The following ZZEF1 variants were observed in gnomAD, a reference collection of about 807,000 sequenced individuals.
ZZEF1 encodes the protein zinc finger ZZ-type and EF-hand domain-containing protein 1.
In ZZEF1, 157 loss-of-function variants were observed where a neutral mutation model predicts 342.8. That is an observed-to-expected ratio of 0.46 (90% CI 0.40 to 0.52). The LOEUF (loss-of-function observed/expected upper bound fraction) is 0.52, where lower values mean the gene tolerates loss of function less well. Among genes scored for constraint, ZZEF1 ranks in the 20% least tolerant of loss-of-function variants. The pLI is 0.00. For synonymous variants in ZZEF1, 1,505 were observed against 1,429.1 expected (o/e 1.05, Z -1.20); for missense variants, 3,480 against 3,725.6 (o/e 0.93, Z 1.72).
chr17:4,011,975 C>G (rs1230266226), intron 52 of ZZEF1, among the ~76,000 whole-genome samples: 2 of 152,218 alleles, frequency 1.3e-5, no homozygotes, highest in African/African-American at 4.8e-5. Flanking sequence ...CTATGAGGAG[C>G]ACGCATGAAA....
At chr17:4,092,105 T>C (rs984824100) in intron 11 of ZZEF1, among the ~76,000 whole-genome samples, 11 of 143,572 alleles carry the variant, frequency 7.7e-5, no homozygotes, top group Non-Finnish European at 3.0e-5. Flanking sequence ...AAAAATAATA[T>C]AAATAAATAA....
At chr17:4,123,113 G>A (rs2145547656) in intron 2 of ZZEF1, among the ~76,000 whole-genome samples, 1 of 150,492 alleles carries the variant, frequency 6.6e-6, no homozygotes. Context: ...GTAGAGACGG[G>A]GTTTCACTGT....
chr17:4,017,568 C>T lies in ZZEF1; in HGVS notation c.7804G>A (p.Ala2602Thr), dbSNP rs1184029119. The part of the protein sequence containing the change: ...HKELNCKSKR[A>T]VRDYLFRVNE... ...ACTCGGAAGAGGTAGTCCCGGACAG[C>T]CCTCTTACTCTTGCAGTTCAGCTCC... is the stretch of plus-strand genomic sequence containing the variant. Residue 2602 changes from alanine to threonine, a missense_variant, in exon 48 of 55, where the codon GCT becomes ACT. Physicochemically the swap from Ala to Thr is moderately conservative, Grantham distance 58. Coordinates refer to ENST00000381638, the MANE Select transcript of ZZEF1 (RefSeq NM_015113.4). The surrounding 1 kb of genome is among the most constrained non-coding windows in gnomAD (Gnocchi z 5.1). 1.3e-5 allele frequency: 21 copies of T among 1,614,272 alleles called. No individual in the cohort carries two copies. The highest frequency in any genetic ancestry group is 1.7e-5 in the Non-Finnish European group (20 of 1,180,052).
chr17:4,052,919 A>G (rs1026004153), intron 34 of ZZEF1, among the ~76,000 whole-genome samples: 3 of 152,082 alleles, frequency 2.0e-5, no homozygotes, highest in Admixed American at 2.0e-4. Context: ...AGTGAGAGAG[A>G]ATAACAGTCA....
In ZZEF1 at chr17:4,142,558, C is replaced by A; in HGVS notation, c.338G>T (p.Ser113Ile). 1 of 1,601,218 alleles carries A rather than the reference C, an allele frequency of 6.2e-7. No individual in the cohort carries two copies. The highest frequency in any genetic ancestry group is 2.2e-5 in the East Asian group (1 of 44,758). The change falls in exon 1 of 55, where the codon AGC becomes ATC. Residue 113 changes from serine to isoleucine, a missense_variant. Physicochemically the swap from Ser to Ile is moderately radical, Grantham distance 142 (BLOSUM62 -2). Coordinates refer to ENST00000381638, the MANE Select transcript of ZZEF1 (RefSeq NM_015113.4). ...GGCCCTGACCTCCTCGAACTGCTCG[C>A]TAGAGCAGCCGGCGCCGCGAGCCTC... ...LLEARGAGCS[S>I]EQFEEAFAQF...
chr17:4,050,267 T>C (rs1016133224), intron 36 of ZZEF1, among the ~76,000 whole-genome samples: 3 of 152,266 alleles, frequency 2.0e-5, no homozygotes, highest in African/African-American at 4.8e-5. Context: ...GGTTCCCTAA[T>C]GTTGACTAGA....
intron 1 of ZZEF1, among the ~76,000 whole-genome samples, chr17:4,137,637 C>T (rs747795785): frequency 7.3e-4 from 111 of 152,250 alleles, no homozygotes; most frequent in Middle Eastern, 3.4e-3. Context: ...TCTCCACTCA[C>T]CAAGGATCTT....
At chr17:4,138,847 G>A (rs1049361337) in intron 1 of ZZEF1, among the ~76,000 whole-genome samples, 1 of 152,140 alleles carries the variant, frequency 6.6e-6, no homozygotes, top group Non-Finnish European at 1.5e-5. Flanking sequence ...CCTCTACATG[G>A]CAGTTAATTA....
At chr17:4,023,848 G>C (rs1170336408) in intron 43 of ZZEF1, among the ~76,000 whole-genome samples, 1 of 151,974 alleles carries the variant, frequency 6.6e-6, no homozygotes, top group Non-Finnish European at 1.5e-5. Context: ...AGAAATGCCA[G>C]AGAAAACCCA....
chr17:4,111,900 C>T lies in ZZEF1; in HGVS notation c.1066+709G>A, dbSNP rs2058308733. On this transcript the variant is annotated intron_variant, in intron 5 of 54. Transcript: ENST00000381638. ...AAGTGTAAAGAAATTAGCCAGGCAT[C>T]GCGGTGCATGTCTACATTCCAGCTA... is the stretch of plus-strand genomic sequence containing the variant. Among the ~76,000 whole-genome samples the T allele has an allele frequency of 3.4e-5, 5 of 145,214 alleles. No individual in the cohort carries two copies. In the Admixed American group the frequency reaches 3.5e-4, roughly 10 times the overall value.
intron 11 of ZZEF1, among the ~76,000 whole-genome samples, chr17:4,094,036 A>G (rs1230000401): frequency 6.6e-6 from 1 of 152,076 alleles, no homozygotes; most frequent in African/African-American, 2.4e-5. Context: ...TGTCTGGCTG[A>G]GTTTTCCTTG....
At chr17:4,060,581 C>T (rs370749513) in intron 30 of ZZEF1, among the ~76,000 whole-genome samples, 3 of 148,152 alleles carry the variant, frequency 2.0e-5, no homozygotes, top group Non-Finnish European at 4.5e-5. Flanking sequence ...ACAACAACAA[C>T]AAAAAACAAA....
chr17:4,090,862 T>C (rs1465194496), intron 11 of ZZEF1, 32 bp from the exon 12 acceptor site: 1 of 1,569,074 alleles, frequency 6.4e-7, no homozygotes, highest in Admixed American at 1.7e-5. Context: ...CAAAACATTT[T>C]ATTTTGAAAC....
chr17:4,125,755 G>A (rs892312484), intron 1 of ZZEF1, among the ~76,000 whole-genome samples: 2 of 152,182 alleles, frequency 1.3e-5, no homozygotes, highest in Non-Finnish European at 2.9e-5. Flanking sequence ...AAGAAGACTA[G>A]AAACTGTGCC....
chr17:4,100,304 A>G (rs1367486562), intron 9 of ZZEF1, among the ~76,000 whole-genome samples: 1 of 152,210 alleles, frequency 6.6e-6, no homozygotes, highest in Admixed American at 6.5e-5. Context: ...CTGAGTTACA[A>G]GCAATAGATA....
chr17:4,118,492 C>T (rs531231790), intron 2 of ZZEF1, among the ~76,000 whole-genome samples: 2 of 152,324 alleles, frequency 1.3e-5, no homozygotes, highest in Admixed American at 6.5e-5. Context: ...CCACTGACAC[C>T]TCAAGCACCA....
At chr17:4,105,561 C>A in intron 7 of ZZEF1, 132 bp downstream of exon 7, 1 of 708,232 alleles carries the variant, frequency 1.4e-6, no homozygotes, top group Non-Finnish European at 2.4e-6. Context: ...ATGTCACTTT[C>A]TCTTTAGCTG....
intron 24 of ZZEF1, among the ~76,000 whole-genome samples, chr17:4,073,389 G>A (rs1490402393): frequency 6.6e-6 from 1 of 152,132 alleles, no homozygotes; most frequent in Non-Finnish European, 1.5e-5. Context: ...TGTAATTCTT[G>A]TTCCCTGGAA....
Position 4,032,873 on chromosome 17 carries a change from C to T in ZZEF1, c.6714G>A (p.Lys2238=), listed in dbSNP as rs1458745589. The T allele has an allele frequency of 3.1e-6, 5 of 1,614,182 alleles. No individual in the cohort carries two copies. The highest frequency in any genetic ancestry group is 3.4e-6 in the Non-Finnish European group (4 of 1,180,020). The part of the protein sequence containing the change: ...HCIKQLPFQL[K]HTNIFTLLVL... ...CGAGCAGGGTGAAGATGTTGGTGTGCTTCAGCTGGAATGGCAGCTGCTTGA... is the reference window on the plus strand; with the variant it reads ...CGAGCAGGGTGAAGATGTTGGTGTGTTTCAGCTGGAATGGCAGCTGCTTGA... Residue 2238 remains lysine, a synonymous_variant, in exon 41 of 55, where the codon AAG becomes AAA. Transcript: ENST00000381638.
Sources: allele counts gnomAD v4.1 joint callset (sites outside exome capture counted in the v4.1 genomes callset), GRCh38; gene constraint gnomAD v4.1.1; non-coding constraint Gnocchi (gnomAD v3.1); transcripts MANE v1.5; gene names NCBI Gene and HGNC (gene_info 2026-07-23, HGNC 2026-07-21).